Variants in GABBR2 observed in about 807,000 individuals in gnomAD.
GABBR2 encodes the protein gamma-aminobutyric acid type B receptor subunit 2, also known as G-protein coupled receptor 51.
In GABBR2, 23 loss-of-function variants were observed where a neutral mutation model predicts 105.6. The ratio of observed to expected loss-of-function variants is 0.22; its 90% CI spans 0.16 to 0.31. GABBR2 has a LOEUF of 0.31. Ranked by LOEUF, GABBR2 falls within the 10% of genes least tolerant of loss-of-function variation. The probability of loss-of-function intolerance (pLI) is 1.00; values close to 1 mark genes in which losing one functional copy is unlikely to be tolerated. For synonymous variants in GABBR2, 478 were observed against 499.7 expected (o/e 0.96, Z 0.58); for missense variants, 734 against 1,245.5 (o/e 0.59, Z 6.18).
rs949513538 is a variant in GABBR2, at chr9:98,447,210, C to T, written c.1236+6771G>A. 6.4e-4 allele frequency among the ~76,000 whole-genome samples: 90 copies of T among 141,108 alleles called. 5 individuals are homozygous for T. The highest frequency in any genetic ancestry group is 2.2e-3 in the African/African-American group (82 of 38,086). The allele number at this position is 141,108 out of a possible 152,430, so 92.6% of individuals were successfully genotyped here. A position where few individuals can be genotyped will look rare whatever the true frequency, so the allele number is the denominator to read the frequency against. ...CCAAGTAGCTGGGACTACAGGCGCC[C>T]GCCACTACGCCCGGCTAATTTTTTG... On this transcript the variant is annotated intron_variant, in intron 7 of 18. Coordinates refer to ENST00000259455, the MANE Select transcript of GABBR2 (RefSeq NM_005458.8).
intron 7 of GABBR2, among the ~76,000 whole-genome samples, chr9:98,450,238 T>G (rs1429298574): frequency 2.0e-5 from 3 of 152,120 alleles, no homozygotes; most frequent in Non-Finnish European, 2.9e-5. Context: ...CTTCAGCAAA[T>G]GGAAAATGCT....
At chr9:98,666,252 A>G (rs1325451789) in intron 1 of GABBR2, among the ~76,000 whole-genome samples, 4 of 152,164 alleles carry the variant, frequency 2.6e-5, no homozygotes, top group African/African-American at 9.7e-5. Context: ...AACCCAAAGG[A>G]ATAATCTAAA....
At chr9:98,648,510 G>T (rs1235607868) in intron 1 of GABBR2, among the ~76,000 whole-genome samples, 1 of 152,030 alleles carries the variant, frequency 6.6e-6, no homozygotes, top group African/African-American at 2.4e-5. Flanking sequence ...CAAATTTGCC[G>T]CTTTAAGGGA....
intron 8 of GABBR2, among the ~76,000 whole-genome samples, chr9:98,399,973 T>G (rs973997488): frequency 6.6e-6 from 1 of 150,948 alleles, no homozygotes; most frequent in Non-Finnish European, 1.5e-5. Flanking sequence ...GGCCACGAGT[T>G]TGAGACCTGC....
intron 11 of GABBR2, among the ~76,000 whole-genome samples, chr9:98,383,280 C>G (rs1832011466): frequency 6.6e-6 from 1 of 152,200 alleles, no homozygotes; most frequent in African/African-American, 2.4e-5. Flanking sequence ...CCCACTGAAC[C>G]ACACCCACAA....
At chr9:98,593,316 G>A (rs751234985) in intron 1 of GABBR2, among the ~76,000 whole-genome samples, 1 of 152,166 alleles carries the variant, frequency 6.6e-6, no homozygotes, top group Non-Finnish European at 1.5e-5. Context: ...TCATGACATC[G>A]CCAGAGCTGA....
At chr9:98,463,696 C>T (rs557740604) in intron 6 of GABBR2, among the ~76,000 whole-genome samples, 68 of 152,226 alleles carry the variant, frequency 4.5e-4, no homozygotes, top group Middle Eastern at 6.8e-3. Context: ...GCAGTACTGC[C>T]GTGATCTCGG....
At chr9:98,661,464 A>G (rs1285416367) in intron 1 of GABBR2, among the ~76,000 whole-genome samples, 1 of 151,698 alleles carries the variant, frequency 6.6e-6, no homozygotes, top group Non-Finnish European at 1.5e-5. Flanking sequence ...GCAATGGCAC[A>G]ATCTTGGCTC....
chr9:98,666,187 C>A (rs1228785447), intron 1 of GABBR2, among the ~76,000 whole-genome samples: 3 of 152,178 alleles, frequency 2.0e-5, no homozygotes, highest in African/African-American at 4.8e-5. Flanking sequence ...AGGGGGCCAG[C>A]CTGGAGATGA....
At chr9:98,536,029 G>A (rs1828172905) in intron 3 of GABBR2, among the ~76,000 whole-genome samples, 1 of 152,052 alleles carries the variant, frequency 6.6e-6, no homozygotes, top group Admixed American at 6.5e-5. Flanking sequence ...GTAACAAATG[G>A]GCCACTCTGA....
intron 3 of GABBR2, among the ~76,000 whole-genome samples, chr9:98,533,141 C>A: frequency 6.6e-6 from 1 of 152,188 alleles, no homozygotes; most frequent in East Asian, 1.9e-4. Flanking sequence ...TGGCCCTTTG[C>A]AACGATCCCC....
intron 6 of GABBR2, among the ~76,000 whole-genome samples, chr9:98,471,471 CAA>C (rs2131628374): frequency 1.3e-5 from 2 of 152,316 alleles, no homozygotes; most frequent in African/African-American, 4.8e-5. Flanking sequence ...CATTTCCTCC[CAA>C]ATACACTACA....
At chr9:98,533,898 G>A (rs1371194694) in intron 3 of GABBR2, among the ~76,000 whole-genome samples, 1 of 152,144 alleles carries the variant, frequency 6.6e-6, no homozygotes, top group African/African-American at 2.4e-5. Flanking sequence ...GACCATAAAG[G>A]GTCTCGAGCC....
chr9:98,658,135 TAA>T (rs1267605214), intron 1 of GABBR2, among the ~76,000 whole-genome samples: 8 of 152,184 alleles, frequency 5.3e-5, no homozygotes, highest in African/African-American at 1.9e-4. Flanking sequence ...TCAGAGAGGA[TAA>T]GTCATCCACC....
chr9:98,330,052 C>T (rs1355864222), intron 13 of GABBR2, among the ~76,000 whole-genome samples: 1 of 152,164 alleles, frequency 6.6e-6, no homozygotes, highest in Non-Finnish European at 1.5e-5. Context: ...GAGCTCATCA[C>T]ATTCTCCACT....
At position 98,306,762 on chromosome 9, in the gene GABBR2, C is replaced by G. The variant is rs1389080535; in HGVS notation, c.2005-417G>C. ...AAAATGGGCTGTGTTTTTAGAAATT[C>G]ACTCCAGTCTTTTTTCTATTAAACT... is the stretch of plus-strand genomic sequence containing the variant. On this transcript the variant is annotated intron_variant, in intron 14 of 18. Coordinates refer to ENST00000259455, the MANE Select transcript of GABBR2 (RefSeq NM_005458.8). This position sits in a 1 kb window ranked among gnomAD's most constrained non-coding sequence, Gnocchi z 5.4. Among the ~76,000 whole-genome samples the G allele has an allele frequency of 6.6e-6, 1 of 152,128 alleles. No individual in the cohort carries two copies. Among genetic ancestry groups the G allele is most frequent in the Non-Finnish European group, 1.5e-5 (1 of 68,022 alleles).
At chr9:98,477,589 G>C (rs1826819865) in intron 5 of GABBR2, among the ~76,000 whole-genome samples, 1 of 152,008 alleles carries the variant, frequency 6.6e-6, no homozygotes, top group African/African-American at 2.4e-5. Context: ...CTGACAAACG[G>C]GTACTATTGC....
chr9:98,410,282 G>A (rs1209339661), intron 7 of GABBR2, among the ~76,000 whole-genome samples: 2 of 152,122 alleles, frequency 1.3e-5, no homozygotes, highest in Non-Finnish European at 2.9e-5. Flanking sequence ...CAGGTGATGA[G>A]TTAAATTCTA....
At chr9:98,487,314 GTC>G (rs1282677382) in intron 4 of GABBR2, among the ~76,000 whole-genome samples, 2 of 152,000 alleles carry the variant, frequency 1.3e-5, no homozygotes, top group Non-Finnish European at 2.9e-5. Flanking sequence ...TTCTCATCAG[GTC>G]TCTCCTATCT....
Sources: gnomAD v4.1 joint callset for allele counts (sites outside exome capture counted in the v4.1 genomes callset) on GRCh38, gnomAD v4.1.1 for gene constraint, Gnocchi (gnomAD v3.1) non-coding constraint, MANE v1.5 for transcripts, NCBI Gene and HGNC (gene_info 2026-07-23, HGNC 2026-07-21) for gene names.